Variants in UTRN observed in about 807,000 individuals in gnomAD.
The protein encoded by UTRN is dystrophin-related protein 1.
A neutral mutation model predicts 463.9 loss-of-function variants in UTRN; 283 were observed. The observed-to-expected ratio is 0.61, with a 90% CI of 0.55 to 0.67. The LOEUF (loss-of-function observed/expected upper bound fraction) is 0.67. UTRN is among the 30% of genes least tolerant of loss of function. The probability of loss-of-function intolerance (pLI) is 0.00; values close to 1 mark genes in which losing one functional copy is unlikely to be tolerated. For synonymous variants in UTRN, 1,442 were observed against 1,431.5 expected, an observed-to-expected ratio of 1.01 and a Z score of -0.17; for missense variants, 3,922 against 4,084.3, an observed-to-expected ratio of 0.96 and a Z score of 1.08.
At chr6:144,486,586 A>AT (rs1447421378) in intron 28 of UTRN, among the ~76,000 whole-genome samples, 1 of 152,044 alleles carries the variant, frequency 6.6e-6, no homozygotes, top group Non-Finnish European at 1.5e-5. Context: ...CAATTGCATG[A>AT]TTTTGGCTCA....
chr6:144,808,237 T>G (rs1778316601), intron 65 of UTRN, among the ~76,000 whole-genome samples: 1 of 152,112 alleles, frequency 6.6e-6, no homozygotes, highest in South Asian at 2.1e-4. Context: ...AAGACTGTAA[T>G]ATTTTTTAGA....
chr6:144,552,825 G>A (rs560506515), intron 48 of UTRN, among the ~76,000 whole-genome samples: 3 of 152,240 alleles, frequency 2.0e-5, no homozygotes, highest in East Asian at 3.9e-4. Flanking sequence ...ACTGTTAAAG[G>A]ATTCTATTAG....
chr6:144,511,107 G>C lies in UTRN; in HGVS notation c.4928G>C (p.Trp1643Ser). The C allele has an allele frequency of 6.3e-7, 1 of 1,581,992 alleles. No individual in the cohort carries two copies. The highest frequency in any genetic ancestry group is 8.6e-7 in the Non-Finnish European group (1 of 1,159,732). ...WSRVRTWTED[W>S]CNTLMNHQNQ... is the part of the protein sequence containing the mutation. ...CGAGTTCGTACCTGGACTGAAGATTGGTGCAATACCTTGATGGTATGTCTC... is the reference window on the plus strand; with the variant it reads ...CGAGTTCGTACCTGGACTGAAGATTCGTGCAATACCTTGATGGTATGTCTC... The change falls in exon 35 of 75, where the codon TGG (tryptophan) becomes TCG (serine). Residue 1643 changes from tryptophan (W) to serine (S), a missense_variant. By Grantham distance (177) the Trp-to-Ser change is radical (BLOSUM62 -3). Transcript: ENST00000367545.
chr6:144,819,911 CCT>C (rs1554406067), intron 65 of UTRN, among the ~76,000 whole-genome samples: 285 of 118,462 alleles, frequency 2.4e-3, no homozygotes, highest in African/African-American at 9.2e-3. Flanking sequence ...TCCTCCTCCT[CCT>C]CTCTCTCTCT....
rs371819692 is a variant in UTRN, at chr6:144,548,219, G to T, written c.6596-421G>T. ...AAGGGTTAAATAAAAGTGAATATGG[G>T]TATAGGTTATTACATAGGTATTCAT... On this transcript the variant is annotated intron_variant, in intron 46 of 74. Transcript: ENST00000367545. Among the ~76,000 whole-genome samples, 710 of 152,046 alleles carry T rather than the reference G, an allele frequency of 4.7e-3. 3 individuals are homozygous for T. The highest frequency in any genetic ancestry group is 7.6e-3 in the Non-Finnish European group (515 of 67,958).
intron 13 of UTRN, 82 bp downstream of exon 13, chr6:144,440,553 C>T: frequency 6.4e-7 from 1 of 1,563,832 alleles, no homozygotes; most frequent in Non-Finnish European, 8.7e-7. Flanking sequence ...TCTTCATGTC[C>T]TTTCTCATTC....
rs554332312 is a variant in UTRN at position 144,589,309 on chromosome 6, A to G, written c.7479+12021A>G. 3.9e-5 allele frequency among the ~76,000 whole-genome samples: 6 copies of G among 152,306 alleles called. No individual in the cohort carries two copies. In the South Asian group the frequency reaches 6.2e-4, roughly 16 times the overall value. On this transcript the variant is annotated intron_variant, in intron 51 of 74. Coordinates refer to ENST00000367545, the MANE Select transcript of UTRN (RefSeq NM_007124.3). ...AGTACAGTTTCCTTACATTTTTAGTATTTTAGAGTTTACAATGTGTTTTCT... is the reference window on the plus strand; with the variant it reads ...AGTACAGTTTCCTTACATTTTTAGTGTTTTAGAGTTTACAATGTGTTTTCT...
chr6:144,473,422 A>T (rs937308675), intron 23 of UTRN, among the ~76,000 whole-genome samples: 1 of 152,100 alleles, frequency 6.6e-6, no homozygotes, highest in Non-Finnish European at 1.5e-5. Flanking sequence ...CTAGAAATGC[A>T]TTTTTTCCCT....
intron 54 of UTRN, among the ~76,000 whole-genome samples, chr6:144,747,979 G>A (rs942943798): frequency 1.1e-4 from 17 of 152,256 alleles, no homozygotes; most frequent in African/African-American, 4.1e-4. Context: ...AGTGGCTTTA[G>A]AAATATATTA....
chr6:144,441,620 C>T (rs1411497524), intron 13 of UTRN, among the ~76,000 whole-genome samples: 1 of 152,198 alleles, frequency 6.6e-6, no homozygotes, highest in Non-Finnish European at 1.5e-5. Flanking sequence ...GGATCTACCA[C>T]CCTGGGGTCT....
At chr6:144,367,707 AG>A (rs1467799074) in intron 2 of UTRN, among the ~76,000 whole-genome samples, 1 of 152,206 alleles carries the variant, frequency 6.6e-6, no homozygotes, top group African/African-American at 2.4e-5. Flanking sequence ...TCAAGAAGAC[AG>A]TAATTTGTTG....
chr6:144,782,490 A>T (rs1028430079), intron 61 of UTRN, among the ~76,000 whole-genome samples: 1 of 152,102 alleles, frequency 6.6e-6, no homozygotes, highest in African/African-American at 2.4e-5. Context: ...GTTTATTGTT[A>T]TGAATTACAG....
intron 73 of UTRN, among the ~76,000 whole-genome samples, chr6:144,844,543 A>G (rs1781862770): frequency 6.6e-6 from 1 of 152,152 alleles, no homozygotes; most frequent in Admixed American, 6.5e-5. Context: ...CGCTGGGATT[A>G]CACGCGTGAG....
At chr6:144,635,455 A>G (rs1777021392) in intron 51 of UTRN, among the ~76,000 whole-genome samples, 1 of 145,198 alleles carries the variant, frequency 6.9e-6, no homozygotes, top group African/African-American at 2.5e-5. Context: ...CCAGCCTGCA[A>G]TGTCCTTTTC....
At chr6:144,597,092 G>T (rs1047963130) in intron 51 of UTRN, among the ~76,000 whole-genome samples, 5 of 152,098 alleles carry the variant, frequency 3.3e-5, no homozygotes, top group African/African-American at 1.2e-4. Flanking sequence ...CAAAAAATTA[G>T]CCGGATGTGG....
Position 144,522,139 on chromosome 6 carries a change from G to A in UTRN, c.5701G>A (p.Glu1901Lys), listed in dbSNP as rs780381364. Residue 1901 changes from glutamate to lysine, a missense_variant, in exon 40 of 75, where the codon GAA becomes AAA. Around this residue, in one of 3 missense-constraint regions of UTRN, gnomAD observed 2,349 missense variants for 2,303.8 expected, o/e 1.02. Coordinates refer to ENST00000367545, the MANE Select transcript of UTRN (RefSeq NM_007124.3). ...TCCAGAGCTCAACACTGCTATTTAC[G>A]AAGACTTCTCTTTTCAGGAAGACTC... ...NVPELNTAIYEDFSFQEDSLK... is the reference protein window; with the variant it reads ...NVPELNTAIYKDFSFQEDSLK... 5 of 1,547,728 alleles carry A rather than the reference G, an allele frequency of 3.2e-6. No homozygotes were observed. In the African/African-American group the frequency reaches 5.6e-5, roughly 17 times the overall value.
At chr6:144,702,874 AT>A (rs1784729872) in intron 53 of UTRN, among the ~76,000 whole-genome samples, 1 of 152,144 alleles carries the variant, frequency 6.6e-6, no homozygotes, top group African/African-American at 2.4e-5. Context: ...GGAGAAAGGG[AT>A]TCAGATCATT....
Position 144,550,970 on chromosome 6 carries a change from A to T in UTRN, c.6816A>T (p.Thr2272=), listed in dbSNP as rs1386552272. 1.3e-5 allele frequency: 21 copies of T among 1,594,448 alleles called. No individual in the cohort carries two copies. The highest frequency in any genetic ancestry group is 1.8e-5 in the Non-Finnish European group (21 of 1,174,842). The change falls in exon 48 of 75, where the codon ACA becomes ACT. Residue 2272 remains threonine (T), a synonymous_variant. Transcript: ENST00000367545. ...TAATCATTTCTACTTAACAGATTAC[A>T]AAGGCTGACTTAGAACAGCGCCATC... ...INKTVSRMKI[T]KADLEQRHPQ...
chr6:144,366,487 G>A (rs929548054), intron 2 of UTRN, among the ~76,000 whole-genome samples: 1 of 152,186 alleles, frequency 6.6e-6, no homozygotes, highest in Non-Finnish European at 1.5e-5. Context: ...ACTTAAATGT[G>A]AGAACATGCG....
Sources: allele counts gnomAD v4.1 joint callset (sites outside exome capture counted in the v4.1 genomes callset), GRCh38; gene constraint gnomAD v4.1.1; regional missense constraint gnomAD v4.1.1; transcripts MANE v1.5; gene names NCBI Gene and HGNC (gene_info 2026-07-23, HGNC 2026-07-21).